The following KLHL22 variants were observed in gnomAD, a reference collection of about 807,000 sequenced individuals.
The protein encoded by KLHL22 is kelch like family member 22, also known as kelch-like protein 22.
A neutral mutation model predicts 60.7 loss-of-function variants in KLHL22; 18 were observed. That is an observed-to-expected ratio of 0.30 (90% CI 0.20 to 0.44). KLHL22 has a LOEUF of 0.44. KLHL22 is among the 20% of genes least tolerant of loss of function. The pLI, the probability that KLHL22 is intolerant of heterozygous loss-of-function variation, is 1.00. For synonymous variants in KLHL22, 355 were observed against 354.5 expected (o/e 1.00, Z -0.01); for missense variants, 596 against 852.3 (o/e 0.70, Z 3.74).
intron 2 of KLHL22, among the ~76,000 whole-genome samples, chr22:20,478,150 T>C (rs1197820077): frequency 6.6e-6 from 1 of 152,030 alleles, no homozygotes; most frequent in Non-Finnish European, 1.5e-5. Context: ...AAATAAAATA[T>C]ATAGTCACTC....
At chr22:20,447,961 A>G (rs972580141) in intron 5 of KLHL22, among the ~76,000 whole-genome samples, 1 of 152,154 alleles carries the variant, frequency 6.6e-6, no homozygotes, top group Non-Finnish European at 1.5e-5. Flanking sequence ...CTGTGTCACT[A>G]TATCACAGGG....
intron 4 of KLHL22, among the ~76,000 whole-genome samples, chr22:20,459,257 T>C (rs1434846040): frequency 6.6e-6 from 1 of 152,262 alleles, no homozygotes; most frequent in Non-Finnish European, 1.5e-5. Flanking sequence ...TTCTTTGGCC[T>C]GTGCCCTATG....
intron 5 of KLHL22, among the ~76,000 whole-genome samples, chr22:20,454,371 C>A (rs1425034225): frequency 6.6e-6 from 1 of 151,996 alleles, no homozygotes; most frequent in Non-Finnish European, 1.5e-5. Flanking sequence ...GCTTATTGTG[C>A]ATGTAAAAGA....
intron 5 of KLHL22, chr22:20,451,185 T>C: frequency 6.3e-7 from 1 of 1,595,724 alleles, no homozygotes; most frequent in Non-Finnish European, 8.6e-7. Flanking sequence ...CAGATGAGGA[T>C]GGGGTCTGGT....
intron 1 of KLHL22, among the ~76,000 whole-genome samples, chr22:20,492,528 C>G (rs188899065): frequency 3.3e-5 from 5 of 152,110 alleles, no homozygotes; most frequent in African/African-American, 7.2e-5. Flanking sequence ...AGGTCTAGCT[C>G]GATTACTTCT....
intron 2 of KLHL22, among the ~76,000 whole-genome samples, chr22:20,476,884 T>G (rs1252120853): frequency 6.6e-6 from 1 of 151,242 alleles, no homozygotes; most frequent in African/African-American, 2.4e-5. Flanking sequence ...ATTTTGTATT[T>G]TTAGTAGAGA....
At chr22:20,447,509 TCTC>T (rs2052888104) in intron 5 of KLHL22, among the ~76,000 whole-genome samples, 2 of 151,744 alleles carry the variant, frequency 1.3e-5, no homozygotes, top group African/African-American at 2.4e-5. Context: ...GTTTGGGTCT[TCTC>T]CTATCACCAG....
intron 1 of KLHL22, among the ~76,000 whole-genome samples, chr22:20,493,714 C>A (rs1205122402): frequency 6.6e-6 from 1 of 152,040 alleles, no homozygotes; most frequent in African/African-American, 2.4e-5. Context: ...TGCATTCCAG[C>A]CTGCATGACA....
rs559144288 is a variant in KLHL22, at chr22:20,464,091, GCTGAGTCTTGTGGGC to G, written c.1112+752_1112+766del. 5.9e-5 allele frequency among the ~76,000 whole-genome samples: 9 copies of G among 152,306 alleles called. No homozygotes were observed. The South Asian group carries it at 1.0e-3, about 18-fold the overall frequency. On this transcript the variant is annotated intron_variant, in intron 4 of 6. Coordinates refer to ENST00000328879, the MANE Select transcript of KLHL22 (RefSeq NM_032775.4). ...AGGGGTCCCTGGAAATCTAATGGTA[GCTGAGTCTTGTGGGC>G]CTGAACCACTGTCCCTTGCTCTGCC...
At chr22:20,493,514 G>A (rs2053722861) in intron 1 of KLHL22, among the ~76,000 whole-genome samples, 1 of 152,238 alleles carries the variant, frequency 6.6e-6, no homozygotes, top group Non-Finnish European at 1.5e-5. Context: ...GGGCGCAGTG[G>A]CTCACGCCTG....
At position 20,443,518 on chromosome 22, in the gene KLHL22, A is replaced by C. The variant is rs1344726121; in HGVS notation, c.1540-1080T>G. 1.2e-4 allele frequency among the ~76,000 whole-genome samples: 19 copies of C among 152,094 alleles called. 1 individual carries two copies. The South Asian group carries it at 2.1e-3, about 17-fold the overall frequency. ...CACTTTGGGAGGCCAAGGCGGGCTG[A>C]TCACAAGGTCAAGAGATCAAGACCA... On this transcript the variant is annotated intron_variant, in intron 6 of 6. Coordinates refer to ENST00000328879, the MANE Select transcript of KLHL22 (RefSeq NM_032775.4).
At chr22:20,474,886 C>T (rs147001134) in intron 2 of KLHL22, among the ~76,000 whole-genome samples, 1 of 152,320 alleles carries the variant, frequency 6.6e-6, no homozygotes, top group East Asian at 1.9e-4. Context: ...TGTCAAGTTG[C>T]TGTTTTTATA....
chr22:20,450,370 G>A, intron 5 of KLHL22: 1 of 1,421,232 alleles, frequency 7.0e-7, no homozygotes, highest in South Asian at 1.1e-5. Context: ...CCTCTACCAT[G>A]GAAATTTTAT....
chr22:20,464,776 A>C (rs2053204622), intron 4 of KLHL22, 82 bp downstream of exon 4: 1 of 839,804 alleles, frequency 1.2e-6, no homozygotes. Flanking sequence ...GCTGGGGGGA[A>C]CCTGACCAGC....
In KLHL22 at chr22:20,453,364, G is replaced by A. The variant is rs150473164; in HGVS notation, c.1305+4444C>T. ...TTGGGTTGATATCCATTTTTTTGCC[G>A]ACGCATGTCTAATTGCTCCAGTACT... On this transcript the variant is annotated intron_variant, in intron 5 of 6. Transcript: ENST00000328879. 3.1e-3 allele frequency among the ~76,000 whole-genome samples: 466 copies of A among 151,552 alleles called. 3 individuals carry two copies. The highest frequency in any genetic ancestry group is 5.4e-3 in the Non-Finnish European group (369 of 67,894).
intron 2 of KLHL22, among the ~76,000 whole-genome samples, chr22:20,487,300 C>T (rs1180045915): frequency 6.6e-6 from 1 of 152,066 alleles, no homozygotes; most frequent in East Asian, 1.9e-4. Context: ...TCACTGCAAC[C>T]TCCGCATCCT....
chr22:20,463,594 G>A (rs140656753), intron 4 of KLHL22, among the ~76,000 whole-genome samples: 3 of 152,212 alleles, frequency 2.0e-5, no homozygotes, highest in African/African-American at 7.2e-5. Flanking sequence ...CCCCCCAACT[G>A]GGAAACCGAG....
chr22:20,482,808 T>G, intron 2 of KLHL22: 1 of 1,226,838 alleles, frequency 8.2e-7, no homozygotes, highest in African/African-American at 1.5e-5. Context: ...ACCCTGCTTC[T>G]GGTGGCTTAA....
Position 20,476,453 on chromosome 22 carries a change from C to T in KLHL22, c.228-4938G>A, listed in dbSNP as rs565855047. The stretch of plus-strand genomic sequence containing the variant: ...TTTTTGAGACGAAGTCTTGCTGTTG[C>T]CCAGGCTGGAGTGCAGTGGCGCGAT... On this transcript the variant is annotated intron_variant, in intron 2 of 6. Transcript: ENST00000328879. Among the ~76,000 whole-genome samples the T allele has an allele frequency of 2.1e-5, 3 of 139,802 alleles. No individual in the cohort carries two copies. The East Asian group carries it at 7.6e-4, about 35-fold the overall frequency. 91.7% of individuals were successfully genotyped at this position (139,802 alleles called of 152,430 possible).
Sources: gnomAD v4.1 joint callset for allele counts (sites outside exome capture counted in the v4.1 genomes callset) on GRCh38, gnomAD v4.1.1 for gene constraint, MANE v1.5 for transcripts, NCBI Gene and HGNC (gene_info 2026-07-23, HGNC 2026-07-21) for gene names.